MDGA2: variants seen among roughly 807,000 people sequenced by gnomAD.
MDGA2 encodes the protein MAM domain containing glycosylphosphatidylinositol anchor 2.
MDGA2 carries 40 observed loss-of-function variants against 117.8 expected under a neutral mutation model. The ratio of observed to expected loss-of-function variants is 0.34; its 90% CI spans 0.26 to 0.44. MDGA2 has a LOEUF of 0.44. MDGA2 is among the 20% of genes least tolerant of loss of function. The pLI is 1.00. For synonymous variants in MDGA2, 452 were observed against 439.0 expected, an observed-to-expected ratio of 1.03 and a Z score of -0.37; for missense variants, 1,123 against 1,250.6, an observed-to-expected ratio of 0.90 and a Z score of 1.54.
intron 1 of MDGA2, among the ~76,000 whole-genome samples, chr14:47,457,993 G>C (rs1351891456): frequency 5.8e-5 from 8 of 137,296 alleles, no homozygotes; most frequent in Non-Finnish European, 1.1e-4. Context: ...TTTTCCATAA[G>C]ATGTCTTCCC....
At chr14:47,084,033 T>C (rs1890803484) in intron 6 of MDGA2, among the ~76,000 whole-genome samples, 1 of 152,010 alleles carries the variant, frequency 6.6e-6, no homozygotes. Flanking sequence ...ACATAACCAA[T>C]CAACAAAGAT....
chr14:47,621,195 A>G (rs1325474228), intron 1 of MDGA2, among the ~76,000 whole-genome samples: 1 of 152,050 alleles, frequency 6.6e-6, no homozygotes, highest in Non-Finnish European at 1.5e-5. Context: ...TACAATTCCA[A>G]GTCCCTTCAC....
At chr14:47,645,126 A>T (rs1248969336) in intron 1 of MDGA2, among the ~76,000 whole-genome samples, 1 of 152,212 alleles carries the variant, frequency 6.6e-6, no homozygotes, top group Non-Finnish European at 1.5e-5. Context: ...TTAAGATAAC[A>T]TATTTGAATG....
chr14:47,652,776 C>T (rs1174357104), intron 1 of MDGA2, among the ~76,000 whole-genome samples: 3 of 152,024 alleles, frequency 2.0e-5, no homozygotes, highest in Non-Finnish European at 4.4e-5. Flanking sequence ...CCCAGGCACA[C>T]ACAAATATTT....
chr14:46,924,669 G>C (rs974765060), intron 9 of MDGA2, among the ~76,000 whole-genome samples: 1 of 151,656 alleles, frequency 6.6e-6, no homozygotes, highest in Non-Finnish European at 1.5e-5. Context: ...TTTATTATCA[G>C]ATTGCACAAT....
intron 9 of MDGA2, among the ~76,000 whole-genome samples, chr14:46,931,268 C>T (rs1405521733): frequency 2.7e-5 from 4 of 148,314 alleles, no homozygotes; most frequent in African/African-American, 7.5e-5. Flanking sequence ...TAGTCTTTTG[C>T]AGCTGGTAGG....
At chr14:47,431,391 G>C (rs1432148915) in intron 1 of MDGA2, among the ~76,000 whole-genome samples, 3 of 151,962 alleles carry the variant, frequency 2.0e-5, no homozygotes, top group Non-Finnish European at 4.4e-5. Context: ...CAAAGGTCCT[G>C]AGTAAAAATA....
intron 1 of MDGA2, among the ~76,000 whole-genome samples, chr14:47,512,768 G>A (rs1022336481): frequency 2.0e-5 from 3 of 152,058 alleles, no homozygotes; most frequent in Non-Finnish European, 2.9e-5. Context: ...CTGTGAGGGT[G>A]TCAGCCATCT....
intron 8 of MDGA2, among the ~76,000 whole-genome samples, chr14:46,980,961 A>G (rs1186386189): frequency 6.6e-6 from 1 of 152,142 alleles, no homozygotes; most frequent in Non-Finnish European, 1.5e-5. Context: ...TGAACTCCCA[A>G]TATCTTTGAG....
At chr14:47,294,252 C>A (rs796459596) in intron 2 of MDGA2, among the ~76,000 whole-genome samples, 1 of 151,924 alleles carries the variant, frequency 6.6e-6, no homozygotes, top group South Asian at 2.1e-4. Flanking sequence ...AATGTCACCA[C>A]ACCTGGCTAA....
chr14:47,309,811 A>G (rs1016648046), intron 1 of MDGA2, among the ~76,000 whole-genome samples: 1 of 152,138 alleles, frequency 6.6e-6, no homozygotes, highest in Non-Finnish European at 1.5e-5. Context: ...TGAAAGACAG[A>G]TGAAAGTTTG....
In MDGA2 at chr14:47,028,401, A is replaced by T. The variant is rs547564408; in HGVS notation, c.1819+6610T>A. ...ATAACAGTTCAGTGTAAATATATAC[A>T]ACCATTAGAATTATTTCCCAAACTA... On this transcript the variant is annotated intron_variant, in intron 8 of 16. Transcript: ENST00000399232. Among the ~76,000 whole-genome samples, 5 of 152,328 alleles carry T rather than the reference A, an allele frequency of 3.3e-5. No individual in the cohort carries two copies. In the East Asian group the frequency reaches 7.7e-4, roughly 23 times the overall value.
intron 3 of MDGA2, among the ~76,000 whole-genome samples, chr14:47,183,533 C>T (rs962041120): frequency 7.9e-5 from 12 of 152,080 alleles, no homozygotes; most frequent in Admixed American, 7.9e-4. Context: ...ATTCTTACTA[C>T]TCTTTCATTT....
chr14:47,119,230 T>A (rs1274421367), intron 5 of MDGA2, among the ~76,000 whole-genome samples: 1 of 122,398 alleles, frequency 8.2e-6, no homozygotes, highest in Non-Finnish European at 1.6e-5. Flanking sequence ...CACACCCGGG[T>A]AATTTTTTGT....
chr14:47,488,467 C>A (rs955342976), intron 1 of MDGA2, among the ~76,000 whole-genome samples: 8 of 151,944 alleles, frequency 5.3e-5, no homozygotes, highest in Admixed American at 4.6e-4. Context: ...AACAATGTAT[C>A]ATAGAAATGA....
chr14:47,385,752 G>A (rs1891741895), intron 1 of MDGA2, among the ~76,000 whole-genome samples: 1 of 152,108 alleles, frequency 6.6e-6, no homozygotes, highest in South Asian at 2.1e-4. Context: ...AGGAAATGGG[G>A]TAGCTTTTGT....
chr14:47,112,797 C>T (rs1024976654), intron 5 of MDGA2, among the ~76,000 whole-genome samples: 9 of 152,062 alleles, frequency 5.9e-5, no homozygotes, highest in South Asian at 2.1e-4. Flanking sequence ...TCTGGTTCTA[C>T]GTCTTTGAGG....
intron 1 of MDGA2, among the ~76,000 whole-genome samples, chr14:47,621,857 T>C (rs1164633): frequency 1 from 151,605 of 152,338 alleles, 75,443 homozygotes; most frequent in East Asian, 1. Context: ...GAAAAATAAG[T>C]TTTTATTGTT....
intron 3 of MDGA2, among the ~76,000 whole-genome samples, chr14:47,144,745 C>T (rs73248051): frequency 0.032 from 4,888 of 151,834 alleles, 259 homozygotes; most frequent in African/African-American, 0.11. Flanking sequence ...ACCTCCTGAA[C>T]CCAAGCCATC....
Sources: allele counts gnomAD v4.1 joint callset (sites outside exome capture counted in the v4.1 genomes callset), GRCh38; gene constraint gnomAD v4.1.1; transcripts MANE v1.5; gene names NCBI Gene and HGNC (gene_info 2026-07-23, HGNC 2026-07-21).